The following PABPC4L variants were observed in gnomAD, a reference collection of about 807,000 sequenced individuals.
PABPC4L encodes poly(A) binding protein cytoplasmic 4 like, also known as polyadenylate-binding protein 4-like.
For missense variants in PABPC4L, 452 were observed against 451.4 expected (o/e 1.00, Z -0.01); for synonymous variants, 169 against 164.1 (o/e 1.03, Z -0.23).
the PABPC4L span, among the ~76,000 whole-genome samples, chr4:134,109,768 C>T: frequency 1.1e-4 from 16 of 148,102 alleles, no homozygotes; most frequent in East Asian, 2.0e-3. Flanking sequence ...TTTTTTGAGA[C>T]ATCGTCTTGC....
chr4:134,030,088 G>C, the PABPC4L span, among the ~76,000 whole-genome samples: 22 of 152,200 alleles, frequency 1.4e-4, no homozygotes, highest in African/African-American at 5.3e-4. Context: ...GTGAAACTGA[G>C]AGTGGATTAA....
the PABPC4L span, among the ~76,000 whole-genome samples, chr4:133,970,684 A>C: frequency 6.6e-6 from 1 of 152,252 alleles, no homozygotes; most frequent in Admixed American, 6.5e-5. Flanking sequence ...TGAAATTCTA[A>C]CCCTCAAGGT....
the PABPC4L span, among the ~76,000 whole-genome samples, chr4:134,153,729 C>G: frequency 6.6e-6 from 1 of 151,096 alleles, no homozygotes; most frequent in Non-Finnish European, 1.5e-5. Flanking sequence ...CTCAAAGCAG[C>G]CTTGAACTCC....
chr4:134,189,519 A>G, the PABPC4L span, among the ~76,000 whole-genome samples: 31,852 of 151,660 alleles, frequency 0.21, 4,131 homozygotes, highest in Non-Finnish European at 0.27. Context: ...ATATGTGTGT[A>G]TATATATACA....
rs947756897 is a variant in PABPC4L at position 134,199,065 on chromosome 4, G to C, written c.*842C>G. The C allele has an allele frequency of 6.6e-6, 1 of 151,914 alleles. No individual in the cohort carries two copies. Among genetic ancestry groups the C allele is most frequent in the Admixed American group, 6.6e-5 (1 of 15,250 alleles). 9.4% of individuals were successfully genotyped at this position (151,914 alleles called of 1,614,324 possible). A position where few individuals can be genotyped will look rare whatever the true frequency, so the allele number is the denominator to read the frequency against. On this transcript the variant is annotated 3_prime_UTR_variant, in exon 2 of 2. Coordinates refer to ENST00000421491, the MANE Select transcript of PABPC4L (RefSeq NM_001114734.2). ...TGTATGTATGATTTTCATAATATTA[G>C]CATCTGGTAAAAATTTAAGATAATA...
the PABPC4L span, among the ~76,000 whole-genome samples, chr4:134,060,457 G>A: frequency 6.6e-6 from 1 of 151,288 alleles, no homozygotes; most frequent in Admixed American, 6.6e-5. Context: ...TTGAGGAGAG[G>A]AAAAGAAAGA....
Position 134,200,771 on chromosome 4 carries a change from G to C in PABPC4L, c.249C>G (p.Leu83=), listed in dbSNP as rs888596419. 3.9e-6 allele frequency: 6 copies of C among 1,551,662 alleles called. No individual in the cohort carries two copies. In the African/African-American group the frequency reaches 4.1e-5, roughly 11 times the overall value. ...FDIIKGKSIR[L]MWSQRDAYLR... The stretch of plus-strand genomic sequence containing the variant: ...AGTAGGCATCGCGCTGAGACCACAT[G>C]AGACGGATGGATTTGCCTTTTATGA... The change falls in exon 2 of 2, where the codon CTC becomes CTG. Residue 83 remains leucine (L), a synonymous_variant. Transcript: ENST00000421491.
At chr4:134,088,348 T>C in the PABPC4L span, among the ~76,000 whole-genome samples, 1 of 152,142 alleles carries the variant, frequency 6.6e-6, no homozygotes, top group Non-Finnish European at 1.5e-5. Context: ...TACTGGGACC[T>C]AAGCTGGTAG....
chr4:134,061,620 C>CACACAG, the PABPC4L span, among the ~76,000 whole-genome samples: 1 of 143,350 alleles, frequency 7.0e-6, no homozygotes, highest in African/African-American at 2.6e-5. Context: ...CAAACATACA[C>CACACAG]AGAGAGAGAG....
the PABPC4L span, among the ~76,000 whole-genome samples, chr4:133,955,501 T>G: frequency 1.3e-5 from 2 of 152,278 alleles, no homozygotes; most frequent in African/African-American, 4.8e-5. Context: ...TTTATGAATT[T>G]GAATATTATT....
the PABPC4L span, among the ~76,000 whole-genome samples, chr4:134,096,242 A>G: frequency 6.6e-6 from 1 of 152,138 alleles, no homozygotes; most frequent in African/African-American, 2.4e-5. Flanking sequence ...TAAGAAGATG[A>G]AAGTGATGGG....
chr4:134,043,077 A>G, the PABPC4L span, among the ~76,000 whole-genome samples: 12 of 152,170 alleles, frequency 7.9e-5, no homozygotes, highest in Non-Finnish European at 1.6e-4. Context: ...TCTTGGAATT[A>G]ATAAAAATGC....
the PABPC4L span, among the ~76,000 whole-genome samples, chr4:134,120,627 T>G: frequency 6.6e-6 from 1 of 151,220 alleles, no homozygotes; most frequent in Non-Finnish European, 1.5e-5. Context: ...TATATACTTC[T>G]ATGTTCCTTC....
chr4:134,046,361 A>T, the PABPC4L span, among the ~76,000 whole-genome samples: 1 of 152,084 alleles, frequency 6.6e-6, no homozygotes, highest in Non-Finnish European at 1.5e-5. Context: ...TGTAGCAAAG[A>T]GTAACAGAGC....
At chr4:133,993,385 A>C in the PABPC4L span, among the ~76,000 whole-genome samples, 1 of 152,312 alleles carries the variant, frequency 6.6e-6, no homozygotes, top group South Asian at 2.1e-4. Flanking sequence ...CCAGACCATT[A>C]TCAGTTTTAA....
the PABPC4L span, among the ~76,000 whole-genome samples, chr4:133,962,904 A>G: frequency 4.6e-5 from 7 of 152,202 alleles, no homozygotes; most frequent in African/African-American, 1.4e-4. Context: ...GAACATTTCT[A>G]AAGTATAAAT....
At chr4:134,145,137 T>C in the PABPC4L span, among the ~76,000 whole-genome samples, 6 of 151,954 alleles carry the variant, frequency 3.9e-5, no homozygotes, top group African/African-American at 1.4e-4. Context: ...GTTTTTGTTA[T>C]TGAAAATAAT....
At chr4:134,180,399 A>C in the PABPC4L span, among the ~76,000 whole-genome samples, 4 of 152,060 alleles carry the variant, frequency 2.6e-5, no homozygotes, top group Non-Finnish European at 5.9e-5. Context: ...TAGTTTTAAG[A>C]GGGAAGTTTA....
chr4:134,148,153 A>C, the PABPC4L span, among the ~76,000 whole-genome samples: 1 of 151,978 alleles, frequency 6.6e-6, no homozygotes, highest in Non-Finnish European at 1.5e-5. Flanking sequence ...AAACACAGAG[A>C]TTGATACTTG....
Sources: gnomAD v4.1 joint callset for allele counts (sites outside exome capture counted in the v4.1 genomes callset) on GRCh38, gnomAD v4.1.1 for gene constraint, MANE v1.5 for transcripts, NCBI Gene and HGNC (gene_info 2026-07-23, HGNC 2026-07-21) for gene names.